The following CACNA1S variants were observed in gnomAD, a reference collection of about 807,000 sequenced individuals.
CACNA1S encodes calcium voltage-gated channel subunit alpha1 S, also known as voltage-dependent L-type calcium channel subunit alpha-1S.
A neutral mutation model predicts 207.4 loss-of-function variants in CACNA1S; 126 were observed. The ratio of observed to expected loss-of-function variants is 0.61; its 90% CI spans 0.53 to 0.70. The LOEUF (loss-of-function observed/expected upper bound fraction) is 0.70, where lower values mean the gene tolerates loss of function less well. CACNA1S is among the 30% of genes least tolerant of loss of function. The pLI is 0.00. For missense variants in CACNA1S, 2,349 were observed against 2,422.8 expected, an observed-to-expected ratio of 0.97 and a Z score of 0.64; for synonymous variants, 960 against 932.7, an observed-to-expected ratio of 1.03 and a Z score of -0.53.
chr1:201,101,182 T>G (rs1030108514), intron 2 of CACNA1S, among the ~76,000 whole-genome samples: 3 of 152,212 alleles, frequency 2.0e-5, no homozygotes, highest in Non-Finnish European at 2.9e-5. Flanking sequence ...AATAAGTTCT[T>G]AAAAATTCTT....
chr1:201,072,871 G>A (rs1661473462), intron 15 of CACNA1S, 47 bp from the exon 16 acceptor site: 2 of 1,486,942 alleles, frequency 1.3e-6, no homozygotes, highest in African/African-American at 1.4e-5. Flanking sequence ...AGAAGTTGCG[G>A]TTTCCCCTCA....
At chr1:201,075,443 T>TGCCCCC in intron 13 of CACNA1S, 52 bp downstream of exon 13, 4 of 1,597,920 alleles carry the variant, frequency 2.5e-6, no homozygotes, top group Non-Finnish European at 2.6e-6. Context: ...TTAAGCCCTT[T>TGCCCCC]CCCCCACCCC....
rs553264511 is a variant in CACNA1S, at chr1:201,098,589, C to T, written c.259-4568G>A. Among the ~76,000 whole-genome samples the T allele has an allele frequency of 9.2e-5, 14 of 152,368 alleles. No individual in the cohort carries two copies. The South Asian group carries it at 2.9e-3, about 32-fold the overall frequency. On this transcript the variant is annotated intron_variant, in intron 2 of 43. Transcript: ENST00000362061. Reference sequence around the variant, plus strand: ...AGAATGCGTCATCCTGCCCAGCACACAGGAGGCTCTCAGGCTATGTTTGTT... The same window carrying T: ...AGAATGCGTCATCCTGCCCAGCACATAGGAGGCTCTCAGGCTATGTTTGTT...
At chr1:201,068,011 C>A (rs896826869) in intron 19 of CACNA1S, among the ~76,000 whole-genome samples, 2 of 152,110 alleles carry the variant, frequency 1.3e-5, no homozygotes, top group Non-Finnish European at 2.9e-5. Context: ...CAGAGCCCAC[C>A]ACCCCCAGGA....
rs566380836 is a variant in CACNA1S at position 201,070,764 on chromosome 1, G to A, written c.2228-360C>T. On this transcript the variant is annotated intron_variant, in intron 16 of 43. Transcript: ENST00000362061. Reference sequence around the variant, plus strand: ...CGCTGCTTCAGAAGAAGAGACCTGGGTCCTAGTCCCAGGTCTGCGTCTAAC... The same window carrying A: ...CGCTGCTTCAGAAGAAGAGACCTGGATCCTAGTCCCAGGTCTGCGTCTAAC... 7.9e-5 allele frequency among the ~76,000 whole-genome samples: 12 copies of A among 152,292 alleles called. No homozygotes were observed. In the South Asian group the frequency reaches 2.5e-3, roughly 32 times the overall value.
chr1:201,060,718 G>A lies in CACNA1S; in HGVS notation c.3354C>T (p.Ser1118=). 5 of 1,614,194 alleles carry A rather than the reference G, an allele frequency of 3.1e-6. No individual in the cohort carries two copies. Among genetic ancestry groups the A allele is most frequent in the Non-Finnish European group, 4.2e-6 (5 of 1,180,030 alleles). Residue 1118 remains serine, a synonymous_variant, in exon 26 of 44, where the codon TCC becomes TCT. Transcript: ENST00000362061. ...QYQVWYIVTS[S]YFEYLMFALI... ...GGGCAAACATCAGGTATTCAAAGTA[G>A]GAGGAGGTGACAATGTACCACACCT...
chr1:201,041,461 T>C, intron 41 of CACNA1S, 43 bp downstream of exon 41: 1 of 1,491,166 alleles, frequency 6.7e-7, no homozygotes. Context: ...CGGACTCCTC[T>C]GGGAGAAGAC....
At chr1:201,087,779 C>G (rs1029023163) in intron 7 of CACNA1S, 47 bp downstream of exon 7, 1 of 1,299,596 alleles carries the variant, frequency 7.7e-7, no homozygotes, top group African/African-American at 1.5e-5. Context: ...TCCTTCTCCC[C>G]TCCTCCTCTT....
At chr1:201,108,534 G>A (rs1662983779) in intron 2 of CACNA1S, among the ~76,000 whole-genome samples, 1 of 152,160 alleles carries the variant, frequency 6.6e-6, no homozygotes. Context: ...CCTGCATTCA[G>A]GGACATGGAG....
Position 201,077,978 on chromosome 1 carries a change from C to T in CACNA1S, c.1520G>A (p.Gly507Asp). The change falls in exon 11 of 44, where the codon GGT becomes GAT. Residue 507 changes from glycine to aspartate, a missense_variant. Transcript: ENST00000362061. ...CTCCACCAGCAGGATCTCCAGGATA[C>T]CGCTACACACCACGAAGCAGTCGAA... The part of the protein sequence containing the change: ...NRFDCFVVCS[G>D]ILEILLVESG... 1 of 1,614,184 alleles carries T rather than the reference C, an allele frequency of 6.2e-7. No individual in the cohort carries two copies. The highest frequency in any genetic ancestry group is 8.5e-7 in the Non-Finnish European group (1 of 1,180,004).
intron 40 of CACNA1S, chr1:201,042,853 A>G (rs1023854120): frequency 2.6e-5 from 5 of 191,038 alleles, no homozygotes; most frequent in African/African-American, 1.2e-4. Context: ...GATTATATTT[A>G]GTCTACAGCC....
intron 2 of CACNA1S, among the ~76,000 whole-genome samples, chr1:201,096,866 T>C (rs1572066547): frequency 6.6e-6 from 1 of 152,208 alleles, no homozygotes; most frequent in South Asian, 2.1e-4. Flanking sequence ...TTCCATTATG[T>C]TCTATTGGTT....
chr1:201,102,862 A>G lies in CACNA1S; in HGVS notation c.258+7302T>C, dbSNP rs574812647. On this transcript the variant is annotated intron_variant, in intron 2 of 43. Coordinates refer to ENST00000362061, the MANE Select transcript of CACNA1S (RefSeq NM_000069.3). ...ATTTGTCAGATCCCGCCCTCAATCC[A>G]CCCCAGGTCTGTCTTTGCCCCCCGA... Among the ~76,000 whole-genome samples, 64 of 151,890 alleles carry G rather than the reference A, an allele frequency of 4.2e-4. No homozygotes were observed. In the South Asian group the frequency reaches 0.013, roughly 32 times the overall value.
Position 201,066,458 on chromosome 1 carries a change from T to C in CACNA1S, c.2658-142A>G. Reference sequence around the variant, plus strand: ...ACTCCCACCTTCCCCTTCCCTTTCCTCCAGCCGTGAGAGTGTGCCCGACTC... The same window carrying C: ...ACTCCCACCTTCCCCTTCCCTTTCCCCCAGCCGTGAGAGTGTGCCCGACTC... On this transcript the variant is annotated intron_variant, in intron 20 of 43. Transcript: ENST00000362061. This position sits in a 1 kb window ranked among gnomAD's most constrained non-coding sequence, Gnocchi z 4.3. The C allele has an allele frequency of 8.1e-6, 6 of 737,130 alleles. No individual in the cohort carries two copies. 45.7% of individuals were successfully genotyped at this position (737,130 alleles called of 1,614,324 possible).
rs749086375 is a variant in CACNA1S, at chr1:201,050,487, CATG to C, written c.4140_4142del (p.Ile1380del). Reference sequence around the variant, plus strand: ...CCCGGGTGAGGTAGTCAAAATTGTCCATGATGACAGCCACAAAGAGGTTGATGA... The same window carrying C: ...CCCGGGTGAGGTAGTCAAAATTGTCCATGACAGCCACAAAGAGGTTGATGA... On this transcript the variant is annotated inframe_deletion, in exon 34 of 44. Coordinates refer to ENST00000362061, the MANE Select transcript of CACNA1S (RefSeq NM_000069.3). The C allele has an allele frequency of 2.5e-6, 4 of 1,614,060 alleles. No homozygotes were observed. The highest frequency in any genetic ancestry group is 3.4e-6 in the Non-Finnish European group (4 of 1,179,988).
At chr1:201,069,371 G>A in intron 18 of CACNA1S, 101 bp downstream of exon 18, 1 of 1,540,210 alleles carries the variant, frequency 6.5e-7, no homozygotes, top group Non-Finnish European at 8.9e-7. Flanking sequence ...AAGAAACTCT[G>A]ATGCTTGTAG....
At chr1:201,082,131 C>T (rs576482717) in intron 10 of CACNA1S, among the ~76,000 whole-genome samples, 21 of 149,536 alleles carry the variant, frequency 1.4e-4, no homozygotes, top group Admixed American at 6.8e-4. Context: ...CAGGTTCAAG[C>T]GATTCTCCTG....
At position 201,075,615 on chromosome 1, in the gene CACNA1S, C is replaced by T. The variant is rs756131999; in HGVS notation, c.1828G>A (p.Val610Ile). ...FPQALISVFQ[V>I]LTGEDWTSMM... Reference sequence around the variant, plus strand: ...GAGGTCCAGTCTTCCCCTGTCAGTACCTGTATGGAGGGAGGATAGAGGGCT... The same window carrying T: ...GAGGTCCAGTCTTCCCCTGTCAGTATCTGTATGGAGGGAGGATAGAGGGCT... The change falls in exon 13 of 44, where the codon GTA (valine) becomes ATA (isoleucine). Residue 610 changes from valine to isoleucine, a missense_variant and splice_region_variant. Transcript: ENST00000362061. The T allele has an allele frequency of 2.5e-6, 4 of 1,614,076 alleles. No homozygotes were observed. Among genetic ancestry groups the T allele is most frequent in the Non-Finnish European group, 3.4e-6 (4 of 1,179,920 alleles).
intron 39 of CACNA1S, among the ~76,000 whole-genome samples, chr1:201,044,011 T>A (rs747803409): frequency 6.6e-5 from 10 of 152,066 alleles, no homozygotes; most frequent in Non-Finnish European, 1.3e-4. Flanking sequence ...CTGGCCTCAG[T>A]GGAGGCAGGC....
Sources: allele counts gnomAD v4.1 joint callset (sites outside exome capture counted in the v4.1 genomes callset), GRCh38; gene constraint gnomAD v4.1.1; non-coding constraint Gnocchi (gnomAD v3.1); transcripts MANE v1.5; gene names NCBI Gene and HGNC (gene_info 2026-07-23, HGNC 2026-07-21).